Variants in INSL6 observed in about 807,000 individuals in gnomAD.
The protein encoded by INSL6 is insulin-like peptide INSL6.
A neutral mutation model predicts 9.4 loss-of-function variants in INSL6; 16 were observed. That is an observed-to-expected ratio of 1.70 (90% CI 1.15 to 2.59). The LOEUF is 2.59. Ranked by LOEUF, INSL6 falls within the 30% of genes most tolerant of loss-of-function variation. The pLI is 0.00. For missense variants in INSL6, 391 were observed against 257.3 expected, an observed-to-expected ratio of 1.52 and a Z score of -3.56; for synonymous variants, 154 against 96.9, an observed-to-expected ratio of 1.59 and a Z score of -3.46.
At chr9:5,150,625 G>A (rs1018358505) in intron 2 of INSL6, among the ~76,000 whole-genome samples, 7 of 152,130 alleles carry the variant, frequency 4.6e-5, no homozygotes, top group Non-Finnish European at 7.4e-5. Context: ...ATTTTGGAAT[G>A]TAAGTTAGTA....
intron 1 of INSL6, among the ~76,000 whole-genome samples, chr9:5,179,706 G>A (rs900777102): frequency 1.3e-5 from 2 of 152,148 alleles, no homozygotes; most frequent in African/African-American, 2.4e-5. Flanking sequence ...GACATGGATG[G>A]AGTTGGAAAC....
intron 2 of INSL6, among the ~76,000 whole-genome samples, chr9:5,158,527 G>T (rs757478656): frequency 2.2e-4 from 33 of 152,216 alleles, no homozygotes; most frequent in Admixed American, 4.6e-4. Context: ...CAACATGTCT[G>T]GTAACAGACT....
intron 2 of INSL6, among the ~76,000 whole-genome samples, chr9:5,158,741 C>CA (rs1474153990): frequency 2.0e-5 from 3 of 151,930 alleles, no homozygotes; most frequent in Non-Finnish European, 2.9e-5. Context: ...ATCTGTCCCA[C>CA]AAAAAATGTT....
intron 3 of INSL6, among the ~76,000 whole-genome samples, chr9:5,130,948 C>A (rs1036377067): frequency 6.6e-6 from 1 of 151,338 alleles, no homozygotes; most frequent in Non-Finnish European, 1.5e-5. Context: ...CCAGGATGGT[C>A]TCGATCTCCT....
intron 1 of INSL6, among the ~76,000 whole-genome samples, chr9:5,181,810 A>C (rs1825461320): frequency 1.3e-5 from 2 of 152,244 alleles, no homozygotes; most frequent in Admixed American, 6.5e-5. Context: ...ATTTTAAGAG[A>C]AAATCCAAAA....
the INSL6 span, chr9:5,065,129 A>T: frequency 8.9e-6 from 7 of 787,930 alleles, no homozygotes; most frequent in South Asian, 2.4e-4. Context: ...ATGTATGTTT[A>T]GAAAAAAATA....
chr9:5,014,164 CTTTTTTT>C, the INSL6 span, among the ~76,000 whole-genome samples: 1 of 117,542 alleles, frequency 8.5e-6, no homozygotes, highest in Non-Finnish European at 1.9e-5. Context: ...TTTACTCTTT[CTTTTTTT>C]TTTTTTTTTT....
the INSL6 span, chr9:5,098,513 C>T: frequency 6.6e-6 from 1 of 152,060 alleles, no homozygotes; most frequent in East Asian, 1.9e-4. Flanking sequence ...CCACAGATGC[C>T]CAAGAAATTG....
intron 3 of INSL6, chr9:5,127,763 A>C (rs1287830011): frequency 4.3e-6 from 1 of 232,586 alleles, no homozygotes; most frequent in African/African-American, 2.2e-5. Context: ...TTAAAAATGG[A>C]TAGCTCATTA....
the INSL6 span, among the ~76,000 whole-genome samples, chr9:5,019,728 G>T: frequency 5.3e-5 from 8 of 152,264 alleles, no homozygotes; most frequent in Non-Finnish European, 4.4e-5. Context: ...TGGGGTGTTT[G>T]TTGGCCAGGG....
the INSL6 span, among the ~76,000 whole-genome samples, chr9:5,062,500 TAAAAAA>T: frequency 6.6e-3 from 386 of 58,200 alleles, 3 homozygotes; most frequent in African/African-American, 0.039. Flanking sequence ...CTTCCATTTG[TAAAAAA>T]AAAAAAAAAA....
chr9:5,107,694 T>TTAATC, the INSL6 span, among the ~76,000 whole-genome samples: 1 of 152,180 alleles, frequency 6.6e-6, no homozygotes, highest in Non-Finnish European at 1.5e-5. Flanking sequence ...ACTGGTAAAA[T>TTAATC]TAATCTATCA....
chr9:5,163,934 T>C lies in INSL6; in HGVS notation c.621A>G (p.Ser207=), dbSNP rs758976802. ...DFKRLKEKRS[S]LVTKIY is the part of the protein sequence containing the mutation. ...ATGGTTAGTATATCTTAGTTACAAG[T>C]GATGATCTTTTTTCCTTTAGCCTTT... Residue 207 remains serine (S), a synonymous_variant, in exon 2 of 2, where the codon TCA becomes TCG. Transcript: ENST00000381641. 141 of 1,602,056 alleles carry C rather than the reference T, an allele frequency of 8.8e-5. No homozygotes were observed. Among genetic ancestry groups the C allele is most frequent in the Non-Finnish European group, 1.2e-4 (137 of 1,175,466 alleles).
intron 3 of INSL6, chr9:5,128,196 T>C (rs758318074): frequency 3.9e-5 from 9 of 231,938 alleles, no homozygotes; most frequent in Non-Finnish European, 3.4e-5. Context: ...TTTACTGGTA[T>C]GTTCTACTTT....
the INSL6 span, among the ~76,000 whole-genome samples, chr9:5,013,812 T>A: frequency 6.6e-6 from 1 of 152,194 alleles, no homozygotes; most frequent in African/African-American, 2.4e-5. Context: ...GATGTGTAAT[T>A]TACTATAAAT....
the INSL6 span, among the ~76,000 whole-genome samples, chr9:5,074,882 G>A: frequency 6.6e-6 from 1 of 152,150 alleles, no homozygotes; most frequent in African/African-American, 2.4e-5. Flanking sequence ...TGAAAGCTAG[G>A]CCTCTTGCAC....
chr9:5,181,143 A>G (rs1373128007), intron 1 of INSL6, among the ~76,000 whole-genome samples: 1 of 152,224 alleles, frequency 6.6e-6, no homozygotes, highest in Non-Finnish European at 1.5e-5. Flanking sequence ...CGCATCCCAA[A>G]TAAAATTCCA....
the INSL6 span, among the ~76,000 whole-genome samples, chr9:5,019,395 A>C: frequency 1.3e-5 from 2 of 151,914 alleles, no homozygotes; most frequent in Non-Finnish European, 2.9e-5. Flanking sequence ...TTTAAATGAT[A>C]TCTCTCTCTT....
At chr9:5,023,888 T>C in the INSL6 span, among the ~76,000 whole-genome samples, 2 of 149,718 alleles carry the variant, frequency 1.3e-5, no homozygotes, top group African/African-American at 2.4e-5. Flanking sequence ...GATTTTAGCT[T>C]GTAAGATTTT....
Sources: gnomAD v4.1 joint callset for allele counts (sites outside exome capture counted in the v4.1 genomes callset) on GRCh38, gnomAD v4.1.1 for gene constraint, MANE v1.5 for transcripts, NCBI Gene and HGNC (gene_info 2026-07-23, HGNC 2026-07-21) for gene names.